The following GABRB3 variants were observed in gnomAD, a reference collection of about 807,000 sequenced individuals.
GABRB3 encodes the protein gamma-aminobutyric acid receptor subunit beta-3.
In GABRB3, 14 loss-of-function variants were observed where a neutral mutation model predicts 52.1. That is an observed-to-expected ratio of 0.27 (90% CI 0.18 to 0.42). The LOEUF (loss-of-function observed/expected upper bound fraction) is 0.42, where lower values mean the gene tolerates loss of function less well. GABRB3 is among the 10% of genes least tolerant of loss of function. The pLI is 1.00. For missense variants in GABRB3, 307 were observed against 609.1 expected, an observed-to-expected ratio of 0.50 and a Z score of 5.22; for synonymous variants, 260 against 232.3, an observed-to-expected ratio of 1.12 and a Z score of -1.08.
chr15:26,650,676 T>C (rs980651879), intron 3 of GABRB3, among the ~76,000 whole-genome samples: 2 of 152,046 alleles, frequency 1.3e-5, no homozygotes, highest in East Asian at 2.0e-4. Flanking sequence ...CTATTTTACA[T>C]GTGCCTACCC....
intron 3 of GABRB3, among the ~76,000 whole-genome samples, chr15:26,756,320 A>T (rs530416667): frequency 6.6e-6 from 1 of 152,026 alleles, no homozygotes; most frequent in Non-Finnish European, 1.5e-5. Flanking sequence ...CTGTAATCCC[A>T]GCACTTGGGG....
At chr15:26,713,668 G>T (rs989934156) in intron 3 of GABRB3, among the ~76,000 whole-genome samples, 1 of 152,214 alleles carries the variant, frequency 6.6e-6, no homozygotes, top group South Asian at 2.1e-4. Context: ...AGTGAGAACT[G>T]GTGGCCGCAA....
chr15:26,674,438 AAAG>A, intron 3 of GABRB3, among the ~76,000 whole-genome samples: 1 of 124,568 alleles, frequency 8.0e-6, no homozygotes, highest in African/African-American at 2.6e-5. Context: ...AAAAGAAAGG[AAAG>A]GAAAGGAAAG....
chr15:26,606,756 A>G (rs1282828950), intron 4 of GABRB3, among the ~76,000 whole-genome samples: 2 of 67,892 alleles, frequency 2.9e-5, no homozygotes, highest in Non-Finnish European at 8.2e-5. Context: ...TATATCATAC[A>G]TATCTGTCTA....
intron 3 of GABRB3, among the ~76,000 whole-genome samples, chr15:26,755,307 C>T (rs1216775614): frequency 2.0e-5 from 3 of 151,986 alleles, no homozygotes; most frequent in Non-Finnish European, 2.9e-5. Context: ...ACCCGGCCAC[C>T]CCTAACAATT....
intron 8 of GABRB3, among the ~76,000 whole-genome samples, chr15:26,555,772 G>A (rs1889729271): frequency 6.6e-6 from 1 of 152,158 alleles, no homozygotes; most frequent in African/African-American, 2.4e-5. Context: ...AGTGTGAAAA[G>A]GAACCTGAAT....
intron 3 of GABRB3, among the ~76,000 whole-genome samples, chr15:26,689,813 G>A (rs1258405539): frequency 6.6e-6 from 1 of 152,078 alleles, no homozygotes; most frequent in African/African-American, 2.4e-5. Flanking sequence ...TTTCCAAAGG[G>A]CTGGTCTGTT....
intron 3 of GABRB3, among the ~76,000 whole-genome samples, chr15:26,676,054 C>A (rs2140639706): frequency 6.6e-6 from 1 of 152,290 alleles, no homozygotes; most frequent in East Asian, 1.9e-4. Context: ...ATTCAAGTGT[C>A]CTTAAGAAAG....
chr15:26,713,982 G>C (rs1330498881), intron 3 of GABRB3, among the ~76,000 whole-genome samples: 2 of 152,204 alleles, frequency 1.3e-5, no homozygotes, highest in African/African-American at 4.8e-5. Flanking sequence ...CCATGGCGGG[G>C]CTGAGGTGAC....
chr15:26,649,632 T>G (rs1352637176), intron 3 of GABRB3, among the ~76,000 whole-genome samples: 7 of 138,156 alleles, frequency 5.1e-5, no homozygotes, highest in Non-Finnish European at 1.1e-4. Context: ...GCTGAGCCCA[T>G]AGAAGAAAGC....
intron 3 of GABRB3, among the ~76,000 whole-genome samples, chr15:26,731,962 G>A (rs1452043072): frequency 6.6e-6 from 1 of 152,206 alleles, no homozygotes; most frequent in African/African-American, 2.4e-5. Flanking sequence ...ACAGATAGGT[G>A]AATTGATGAT....
Position 26,621,319 on chromosome 15 carries a change from C to T in GABRB3, c.456G>A (p.Gly152=). 1.2e-6 allele frequency: 2 copies of T among 1,613,176 alleles called. No homozygotes were observed. Among genetic ancestry groups the T allele is most frequent in the Non-Finnish European group, 1.7e-6 (2 of 1,179,836 alleles). The part of the protein sequence containing the change: ...RLHPDGTVLY[G]LRITTTAACM... Reference sequence around the variant, plus strand: ...TCCTGAAGAGGCACACAGACCTGAGCCCATACAGCACTGTCCCATCAGGGT... The same window carrying T: ...TCCTGAAGAGGCACACAGACCTGAGTCCATACAGCACTGTCCCATCAGGGT... The change falls in exon 4 of 9, where the codon GGG becomes GGA. Residue 152 remains glycine (G), a synonymous_variant. Transcript: ENST00000311550. This position sits in a 1 kb window ranked among gnomAD's most constrained non-coding sequence, Gnocchi z 4.1.
At chr15:26,765,277 T>G (rs533204227) in intron 3 of GABRB3, among the ~76,000 whole-genome samples, 1 of 152,276 alleles carries the variant, frequency 6.6e-6, no homozygotes, top group East Asian at 1.9e-4. Context: ...ATATGCTAAA[T>G]TTTGAGAGAA....
chr15:26,772,987 G>C lies in GABRB3; in HGVS notation c.-25C>G. The C allele has an allele frequency of 7.3e-7, 1 of 1,365,526 alleles. No homozygotes were observed. The highest frequency in any genetic ancestry group is 9.5e-7 in the Non-Finnish European group (1 of 1,049,462). 84.6% of individuals were successfully genotyped at this position (1,365,526 alleles called of 1,614,324 possible). ...TCCCTCCGCCGCGCCCCGGCACGGGGGAGGGGGCGCCCCGCCGCCGTCGCG... is the reference window on the plus strand; with the variant it reads ...TCCCTCCGCCGCGCCCCGGCACGGGCGAGGGGGCGCCCCGCCGCCGTCGCG... On this transcript the variant is annotated 5_prime_UTR_variant, in exon 1 of 9. Transcript: ENST00000311550.
chr15:26,662,600 A>C (rs184100349), intron 3 of GABRB3, among the ~76,000 whole-genome samples: 1 of 152,090 alleles, frequency 6.6e-6, no homozygotes, highest in Non-Finnish European at 1.5e-5. Flanking sequence ...GAACAGGGAG[A>C]GCTTTGGCCT....
At chr15:26,549,142 T>A (rs1176696533) in intron 8 of GABRB3, among the ~76,000 whole-genome samples, 2 of 152,224 alleles carry the variant, frequency 1.3e-5, no homozygotes, top group Non-Finnish European at 2.9e-5. Flanking sequence ...CCTCCATGAA[T>A]CTTTCACAAA....
intron 3 of GABRB3, among the ~76,000 whole-genome samples, chr15:26,680,571 GCTT>G (rs1339179067): frequency 1.3e-5 from 2 of 152,052 alleles, no homozygotes; most frequent in Non-Finnish European, 2.9e-5. Flanking sequence ...AATAGATGAT[GCTT>G]ACCTTTCAGA....
At chr15:26,571,019 T>G (rs1435288378) in intron 6 of GABRB3, among the ~76,000 whole-genome samples, 1 of 152,290 alleles carries the variant, frequency 6.6e-6, no homozygotes, top group East Asian at 1.9e-4. Context: ...TTTATATGAC[T>G]CTTTAGTTGA....
At chr15:26,596,985 C>A (rs1891416568) in intron 4 of GABRB3, among the ~76,000 whole-genome samples, 1 of 152,104 alleles carries the variant, frequency 6.6e-6, no homozygotes, top group Admixed American at 6.6e-5. Context: ...GCAAGGGGGG[C>A]TGAGCAGGCT....
Sources: allele counts gnomAD v4.1 joint callset (sites outside exome capture counted in the v4.1 genomes callset), GRCh38; gene constraint gnomAD v4.1.1; non-coding constraint Gnocchi (gnomAD v3.1); transcripts MANE v1.5; gene names NCBI Gene and HGNC (gene_info 2026-07-23, HGNC 2026-07-21).